The following CHD1L variants were observed in gnomAD, a reference collection of about 807,000 sequenced individuals.
The protein encoded by CHD1L is ATP-dependent chromatin remodeler CHD1L.
A neutral mutation model predicts 115.9 loss-of-function variants in CHD1L; 118 were observed. The observed-to-expected ratio is 1.02, with a 90% confidence interval of 0.88 to 1.19. CHD1L has a LOEUF of 1.19. Among genes scored for constraint, CHD1L ranks in the 50% most tolerant of loss-of-function variants. CHD1L has a pLI of 0.00. For synonymous variants in CHD1L, 411 were observed against 387.1 expected (o/e 1.06, Z -0.72); for missense variants, 1,179 against 1,065.3 (o/e 1.11, Z -1.49).
the CHD1L span, among the ~76,000 whole-genome samples, chr1:147,179,875 C>T: frequency 0.036 from 5,442 of 150,548 alleles, 140 homozygotes; most frequent in South Asian, 0.093. Context: ...TTGTGGGAGT[C>T]GGGTTGAGTT....
the CHD1L span, among the ~76,000 whole-genome samples, chr1:147,202,867 A>G: frequency 3.3e-5 from 5 of 152,096 alleles, no homozygotes; most frequent in African/African-American, 1.2e-4. Flanking sequence ...CATGAGTTAT[A>G]TATCTGGTCA....
intron 1 of CHD1L, among the ~76,000 whole-genome samples, chr1:147,244,519 A>AT (rs1665960081): frequency 6.6e-6 from 1 of 152,024 alleles, no homozygotes; most frequent in Admixed American, 6.5e-5. Flanking sequence ...AGTAGTACGT[A>AT]TTTTCAGTAA....
the CHD1L span, among the ~76,000 whole-genome samples, chr1:147,226,238 C>T: frequency 6.6e-6 from 1 of 151,894 alleles, no homozygotes; most frequent in African/African-American, 2.4e-5. Context: ...CTTCCGCCCC[C>T]GGCTCACCTA....
Position 147,259,861 on chromosome 1 carries a change from G to A in CHD1L, c.519G>A (p.Val173=), listed in dbSNP as rs782662157. 3 of 1,613,830 alleles carry A rather than the reference G, an allele frequency of 1.9e-6. No homozygotes were observed. The highest frequency in any genetic ancestry group is 1.7e-5 in the Admixed American group (1 of 60,012). Residue 173 remains valine (V), a synonymous_variant, in exon 6 of 23, where the codon GTG becomes GTA. Coordinates refer to ENST00000369258, the MANE Select transcript of CHD1L (RefSeq NM_004284.6). ...LKSFPWSVLV[V]DEAHRLKNQS... is the part of the protein sequence containing the mutation. Reference sequence around the variant, plus strand: ...GATTCCCTTGGAGTGTTCTTGTTGTGGATGAAGCTCACAGGTTGAAAAACC... The same window carrying A: ...GATTCCCTTGGAGTGTTCTTGTTGTAGATGAAGCTCACAGGTTGAAAAACC...
chr1:147,255,511 G>A (rs902078595), intron 3 of CHD1L, among the ~76,000 whole-genome samples: 1 of 152,188 alleles, frequency 6.6e-6, no homozygotes, highest in Non-Finnish European at 1.5e-5. Context: ...ACAGGTGTGA[G>A]CCACCGCGCC....
the CHD1L span, chr1:147,203,928 A>G: frequency 6.1e-6 from 9 of 1,463,530 alleles, no homozygotes; most frequent in Middle Eastern, 1.9e-4. Flanking sequence ...GGAGGTGTCA[A>G]TCTAGGAAGA....
chr1:147,288,298 CTGAG>C (rs1414526765), intron 19 of CHD1L, among the ~76,000 whole-genome samples: 2 of 123,120 alleles, frequency 1.6e-5, no homozygotes, highest in Non-Finnish European at 3.2e-5. Context: ...GTACTACAGC[CTGAG>C]TGAGAGTGAG....
chr1:147,201,019 T>A, the CHD1L span: 114 of 676,192 alleles, frequency 1.7e-4, no homozygotes, highest in Non-Finnish European at 4.8e-5. Context: ...CAAAAATATA[T>A]TTTTCTGTAC....
intron 14 of CHD1L, among the ~76,000 whole-genome samples, chr1:147,278,607 T>G (rs1382086997): frequency 6.6e-6 from 1 of 151,834 alleles, no homozygotes; most frequent in East Asian, 1.9e-4. Flanking sequence ...GGTATGGAGT[T>G]CTGAAGTCCT....
intron 3 of CHD1L, among the ~76,000 whole-genome samples, 171 bp downstream of exon 3, chr1:147,255,147 G>A (rs1553939186): frequency 6.6e-6 from 1 of 152,188 alleles, no homozygotes; most frequent in African/African-American, 2.4e-5. Context: ...TAGGGGAAGA[G>A]TAATATTATT....
the CHD1L span, among the ~76,000 whole-genome samples, chr1:147,189,758 G>A: frequency 1.3e-5 from 2 of 151,832 alleles, no homozygotes; most frequent in African/African-American, 2.4e-5. Flanking sequence ...CCAGCAAAGC[G>A]GCCACTGCAG....
rs1553931843 is a variant in CHD1L at position 147,242,748 on chromosome 1, C to T, written c.45C>T (p.Gly15=). The T allele has an allele frequency of 2.4e-6, 3 of 1,264,300 alleles. No homozygotes were observed. The highest frequency in any genetic ancestry group is 1.5e-5 in the African/African-American group (1 of 65,378). The allele number at this position is 1,264,300 out of a possible 1,614,324, so 78.3% of individuals were successfully genotyped here. A position where few individuals can be genotyped will look rare whatever the true frequency, so the allele number is the denominator to read the frequency against. The stretch of plus-strand genomic sequence containing the variant: ...CTAGCCGCGGGGGCCAAGCCCCTGG[C>T]TTCTTACTGCGGCTTCATACTGAGG... The part of the protein sequence containing the change: ...GATSRGGQAP[G]FLLRLHTEGR... Residue 15 remains glycine (G), a synonymous_variant, in exon 1 of 23, where the codon GGC becomes GGT. Transcript: ENST00000369258.
Position 147,259,885 on chromosome 1 carries a change from C to T in CHD1L, c.543C>T (p.Asn181=). The T allele has an allele frequency of 6.2e-7, 1 of 1,613,850 alleles. No homozygotes were observed. Among genetic ancestry groups the T allele is most frequent in the East Asian group, 2.2e-5 (1 of 44,868 alleles). ...TGGATGAAGCTCACAGGTTGAAAAACCAAAGCTCCCTGCTGCATAAGACCT... is the reference window on the plus strand; with the variant it reads ...TGGATGAAGCTCACAGGTTGAAAAATCAAAGCTCCCTGCTGCATAAGACCT... The part of the protein sequence containing the change: ...LVVDEAHRLK[N]QSSLLHKTLS... The change falls in exon 6 of 23, where the codon AAC becomes AAT. Residue 181 remains asparagine, a synonymous_variant. Transcript: ENST00000369258.
the CHD1L span, chr1:147,213,490 C>A: frequency 6.3e-7 from 1 of 1,577,582 alleles, no homozygotes; most frequent in Non-Finnish European, 8.6e-7. Flanking sequence ...AAAGTGATAA[C>A]CACAGGGGAC....
At chr1:147,236,364 C>T in the CHD1L span, among the ~76,000 whole-genome samples, 10 of 152,186 alleles carry the variant, frequency 6.6e-5, no homozygotes, top group African/African-American at 2.2e-4. Flanking sequence ...CATGTTTCAG[C>T]CCTGTTTGTG....
intron 13 of CHD1L, among the ~76,000 whole-genome samples, chr1:147,275,782 T>TAAA (rs1344302937): frequency 0.28 from 39,116 of 139,214 alleles, 5,731 homozygotes; most frequent in Non-Finnish European, 0.29. Context: ...GGAGCTAAGC[T>TAAA]AAAAAAAAAA....
chr1:147,250,122 GT>G (rs1194625136), intron 1 of CHD1L, among the ~76,000 whole-genome samples: 2 of 151,646 alleles, frequency 1.3e-5, no homozygotes, highest in African/African-American at 2.4e-5. Context: ...GAGGTTTCCT[GT>G]TTTTTTCAGT....
the CHD1L span, among the ~76,000 whole-genome samples, chr1:147,230,004 C>T: frequency 7.6e-6 from 1 of 130,734 alleles, no homozygotes; most frequent in South Asian, 2.7e-4. Flanking sequence ...CCTTTATTTC[C>T]TTCTCCTGCC....
At chr1:147,225,174 A>G in the CHD1L span, 1 of 1,495,998 alleles carries the variant, frequency 6.7e-7, no homozygotes, top group East Asian at 2.4e-5. Context: ...TGTCTTGAGG[A>G]GGACAGATTC....
Sources: gnomAD v4.1 joint callset for allele counts (sites outside exome capture counted in the v4.1 genomes callset) on GRCh38, gnomAD v4.1.1 for gene constraint, MANE v1.5 for transcripts, NCBI Gene and HGNC (gene_info 2026-07-23, HGNC 2026-07-21) for gene names.